PDLIM1: variants seen among roughly 807,000 people sequenced by gnomAD.
PDLIM1 encodes the protein PDZ and LIM domain protein 1.
PDLIM1 carries 25 observed loss-of-function variants against 35.2 expected under a neutral mutation model. The ratio of observed to expected loss-of-function variants is 0.71; its 90% CI spans 0.52 to 0.99. The LOEUF is 0.99. PDLIM1 is among the 50% of genes least tolerant of loss of function. The probability of loss-of-function intolerance (pLI) is 0.00; values close to 1 mark genes in which losing one functional copy is unlikely to be tolerated. For synonymous variants in PDLIM1, 152 were observed against 154.0 expected (o/e 0.99, Z 0.10); for missense variants, 363 against 415.3 (o/e 0.87, Z 1.09).
chr10:95,278,854 G>A (rs2035537767), intron 1 of PDLIM1, among the ~76,000 whole-genome samples: 1 of 152,170 alleles, frequency 6.6e-6, no homozygotes, highest in Non-Finnish European at 1.5e-5. Context: ...ACCCATTCAA[G>A]GGGTCACCCG....
At chr10:95,256,695 G>C (rs2035313032) in intron 4 of PDLIM1, among the ~76,000 whole-genome samples, 1 of 152,162 alleles carries the variant, frequency 6.6e-6, no homozygotes, top group African/African-American at 2.4e-5. Flanking sequence ...AATTTGGCTG[G>C]AGACAGTGGC....
intron 4 of PDLIM1, among the ~76,000 whole-genome samples, chr10:95,253,349 G>A (rs2035283978): frequency 6.6e-6 from 1 of 152,114 alleles, no homozygotes; most frequent in African/African-American, 2.4e-5. Flanking sequence ...TTTATCTCTA[G>A]CAAAGCTACC....
chr10:95,286,617 C>A (rs1361540783), intron 1 of PDLIM1, among the ~76,000 whole-genome samples: 1 of 152,124 alleles, frequency 6.6e-6, no homozygotes, highest in Non-Finnish European at 1.5e-5. Context: ...TCCTCTGAGA[C>A]CTACTGGAAG....
chr10:95,252,272 G>C (rs1444250098), intron 4 of PDLIM1, among the ~76,000 whole-genome samples: 1 of 152,132 alleles, frequency 6.6e-6, no homozygotes, highest in African/African-American at 2.4e-5. Flanking sequence ...TAAGGTGTCA[G>C]TGGAAGCCAT....
At chr10:95,260,375 G>A (rs2035349609) in intron 4 of PDLIM1, among the ~76,000 whole-genome samples, 1 of 152,196 alleles carries the variant, frequency 6.6e-6, no homozygotes, top group Non-Finnish European at 1.5e-5. Flanking sequence ...TGAATTTTCT[G>A]ATTTTGACCA....
intron 5 of PDLIM1, among the ~76,000 whole-genome samples, chr10:95,245,876 A>C (rs2035214797): frequency 6.6e-6 from 1 of 152,214 alleles, no homozygotes; most frequent in Non-Finnish European, 1.5e-5. Context: ...CTTTCTTATC[A>C]GAAAGGGCTC....
intron 4 of PDLIM1, among the ~76,000 whole-genome samples, chr10:95,253,948 A>G (rs974685783): frequency 6.6e-6 from 1 of 152,226 alleles, no homozygotes. Flanking sequence ...TATATACACA[A>G]TGTAATACCC....
intron 1 of PDLIM1, among the ~76,000 whole-genome samples, chr10:95,281,971 T>C (rs1050538760): frequency 1.3e-5 from 2 of 152,248 alleles, no homozygotes; most frequent in African/African-American, 2.4e-5. Flanking sequence ...AAATCTTATA[T>C]GTGTTCTTGT....
chr10:95,276,197 T>C (rs1003319872), intron 1 of PDLIM1, among the ~76,000 whole-genome samples: 4 of 152,144 alleles, frequency 2.6e-5, no homozygotes, highest in Admixed American at 1.3e-4. Context: ...TTCACACAGC[T>C]AAAGGCTGAG....
intron 3 of PDLIM1, 89 bp from the exon 4 acceptor site, chr10:95,264,152 G>C (rs542357366): frequency 9.2e-7 from 1 of 1,082,882 alleles, no homozygotes; most frequent in East Asian, 2.5e-5. Context: ...AGGGAGAGGT[G>C]TTCCAGCTGC....
chr10:95,247,393 T>G (rs1451986320), intron 4 of PDLIM1, 27 bp from the exon 5 acceptor site: 1 of 1,595,860 alleles, frequency 6.3e-7, no homozygotes, highest in Admixed American at 1.7e-5. Context: ...AAAAATTGAT[T>G]AGGACATGAC....
intron 2 of PDLIM1, among the ~76,000 whole-genome samples, chr10:95,269,366 G>A (rs182162164): frequency 1.3e-5 from 2 of 152,284 alleles, no homozygotes; most frequent in Admixed American, 1.3e-4. Flanking sequence ...GAGGTCTGGA[G>A]TTTGACATCA....
At chr10:95,268,575 G>A (rs757899749) in intron 3 of PDLIM1, among the ~76,000 whole-genome samples, 13 of 152,128 alleles carry the variant, frequency 8.5e-5, no homozygotes, top group Non-Finnish European at 1.9e-4. Context: ...AGGACACAGC[G>A]TCACTGCCCT....
Position 95,257,038 on chromosome 10 carries a change from G to GAAAAAAAT in PDLIM1, c.533+6825_533+6826insATTTTTTT, listed in dbSNP as rs1440640324. Reference sequence around the variant, plus strand: ...AGAAAGAAAGAAAGAAAGAAAGAAAGAATTCAAAATAGATTAAAGACCAAC... The same window carrying GAAAAAAAT: ...AGAAAGAAAGAAAGAAAGAAAGAAAGAAAAAAATAATTCAAAATAGATTAAAGACCAAC... On this transcript the variant is annotated intron_variant, in intron 4 of 6. Coordinates refer to ENST00000329399, the MANE Select transcript of PDLIM1 (RefSeq NM_020992.4). 5.5e-3 allele frequency among the ~76,000 whole-genome samples: 717 copies of GAAAAAAAT among 129,640 alleles called. 18 individuals carry two copies. The highest frequency in any genetic ancestry group is 0.016 in the South Asian group (62 of 3,912). The allele number at this position is 129,640 out of a possible 152,430, so 85.0% of individuals were successfully genotyped here. A position where few individuals can be genotyped will look rare whatever the true frequency, so the allele number is the denominator to read the frequency against.
intron 4 of PDLIM1, among the ~76,000 whole-genome samples, chr10:95,257,034 G>GAAAGAAAA (rs1564600757): frequency 9.6e-6 from 1 of 103,908 alleles, no homozygotes; most frequent in South Asian, 3.9e-4. Context: ...AAGAAAGAAA[G>GAAAGAAAA]AAAGAATTCA....
chr10:95,275,709 C>T (rs2035504851), intron 1 of PDLIM1, among the ~76,000 whole-genome samples: 1 of 152,140 alleles, frequency 6.6e-6, no homozygotes, highest in Non-Finnish European at 1.5e-5. Context: ...TTTCCTTTCA[C>T]TTTTTTACGG....
At chr10:95,268,681 G>T (rs1179147946) in intron 3 of PDLIM1, 97 bp downstream of exon 3, 18 of 805,138 alleles carry the variant, frequency 2.2e-5, no homozygotes, top group Non-Finnish European at 3.8e-5. Flanking sequence ...TTATCCCCAG[G>T]CCTCCAGGGC....
At chr10:95,267,338 A>G (rs1046094149) in intron 3 of PDLIM1, among the ~76,000 whole-genome samples, 2 of 152,238 alleles carry the variant, frequency 1.3e-5, no homozygotes, top group African/African-American at 2.4e-5. Context: ...CTTGTGTGTT[A>G]TAAAATATGT....
chr10:95,269,586 A>G (rs1020670558), intron 2 of PDLIM1, among the ~76,000 whole-genome samples: 1 of 151,314 alleles, frequency 6.6e-6, no homozygotes, highest in East Asian at 1.9e-4. Flanking sequence ...AAAAAAAAAA[A>G]AGAGAAGAAC....
Sources: gnomAD v4.1 joint callset for allele counts (sites outside exome capture counted in the v4.1 genomes callset) on GRCh38, gnomAD v4.1.1 for gene constraint, MANE v1.5 for transcripts, NCBI Gene and HGNC (gene_info 2026-07-23, HGNC 2026-07-21) for gene names.